The following CLVS2 variants were observed in gnomAD, a reference collection of about 807,000 sequenced individuals.
CLVS2 encodes the protein clavesin-2.
CLVS2 carries 19 observed loss-of-function variants against 29.0 expected under a neutral mutation model. The observed-to-expected ratio is 0.66, with a 90% CI of 0.46 to 0.96. The LOEUF (loss-of-function observed/expected upper bound fraction) is 0.96. Ranked by LOEUF, CLVS2 falls within the 40% of genes least tolerant of loss-of-function variation. The pLI, the probability that CLVS2 is intolerant of heterozygous loss-of-function variation, is 0.00. For missense variants in CLVS2, 294 were observed against 404.1 expected (o/e 0.73, Z 2.34); for synonymous variants, 161 against 151.3 (o/e 1.06, Z -0.47).
chr6:123,018,528 A>G (rs1774873677), intron 3 of CLVS2, among the ~76,000 whole-genome samples: 1 of 151,982 alleles, frequency 6.6e-6, no homozygotes, highest in Admixed American at 6.6e-5. Context: ...TTGTTTTCTT[A>G]TATTTAAAAA....
intron 3 of CLVS2, among the ~76,000 whole-genome samples, chr6:123,033,538 A>C (rs1055612900): frequency 6.6e-6 from 1 of 152,078 alleles, no homozygotes. Flanking sequence ...CCTCAACTTA[A>C]AGCTCAAACC....
intron 2 of CLVS2, 132 bp downstream of exon 2, chr6:122,998,298 G>A: frequency 2.5e-6 from 3 of 1,178,158 alleles, no homozygotes; most frequent in Non-Finnish European, 3.5e-6. Context: ...AACAAACCAG[G>A]AGATGAGTTT....
At chr6:123,027,908 TTATTA>T (rs1040686860) in intron 3 of CLVS2, among the ~76,000 whole-genome samples, 4 of 152,224 alleles carry the variant, frequency 2.6e-5, no homozygotes, top group Non-Finnish European at 5.9e-5. Flanking sequence ...TAAATTGTGT[TTATTA>T]TATTAATGTA....
chr6:123,009,039 T>A (rs1774712254), intron 2 of CLVS2, among the ~76,000 whole-genome samples: 1 of 152,174 alleles, frequency 6.6e-6, no homozygotes, highest in East Asian at 1.9e-4. Context: ...AAACTATATC[T>A]GTGCTTATCA....
chr6:123,049,633 A>T (rs1158587883), intron 4 of CLVS2, among the ~76,000 whole-genome samples: 2 of 152,200 alleles, frequency 1.3e-5, no homozygotes, highest in African/African-American at 4.8e-5. Flanking sequence ...TCGAATGATT[A>T]GTTCCACAGC....
At chr6:123,013,410 A>G (rs1057231648) in intron 3 of CLVS2, among the ~76,000 whole-genome samples, 6 of 152,032 alleles carry the variant, frequency 3.9e-5, no homozygotes, top group African/African-American at 7.2e-5. Context: ...AAATAAGTCA[A>G]TTAGAACTTA....
chr6:123,023,296 A>G (rs1774951030), intron 3 of CLVS2, among the ~76,000 whole-genome samples: 1 of 152,042 alleles, frequency 6.6e-6, no homozygotes, highest in African/African-American at 2.4e-5. Context: ...CTGCAGAAGT[A>G]GGGTTTTCCT....
At chr6:123,025,202 A>T (rs779740706) in intron 3 of CLVS2, among the ~76,000 whole-genome samples, 1 of 152,130 alleles carries the variant, frequency 6.6e-6, no homozygotes, top group Non-Finnish European at 1.5e-5. Flanking sequence ...AATTAAGCTG[A>T]CATCAATATC....
At position 123,068,486 on chromosome 6, in the gene CLVS2, T is replaced by C. The variant is rs1228594040; in HGVS notation, c.*4725T>C. On this transcript the variant is annotated 3_prime_UTR_variant, in exon 6 of 6. Transcript: ENST00000275162. ...CCCAATCCTCAACTACTTTAAAAAA[T>C]TGCAATGAATTTTAATTCATTTACT... is the stretch of plus-strand genomic sequence containing the variant. The C allele has an allele frequency of 2.6e-5, 4 of 151,666 alleles. No homozygotes were observed. Among genetic ancestry groups the C allele is most frequent in the African/African-American group, 9.7e-5 (4 of 41,388 alleles). 9.4% of individuals were successfully genotyped at this position (151,666 alleles called of 1,614,324 possible). A position where few individuals can be genotyped will look rare whatever the true frequency, so the allele number is the denominator to read the frequency against.
rs900684339 is a variant in CLVS2 at position 123,066,428 on chromosome 6, C to T, written c.*2667C>T. ...ACTGTTTGCCCTAATGAATTTTCCT[C>T]TGTACTTCGAGAGCTATTTTAGTTG... On this transcript the variant is annotated 3_prime_UTR_variant, in exon 6 of 6. Transcript: ENST00000275162. 2 of 151,418 alleles carry T rather than the reference C, an allele frequency of 1.3e-5. No homozygotes were observed. Among genetic ancestry groups the T allele is most frequent in the African/African-American group, 4.8e-5 (2 of 41,332 alleles). The allele number at this position is 151,418 out of a possible 1,614,324, so 9.4% of individuals were successfully genotyped here.
Position 123,066,131 on chromosome 6 carries a change from T to C in CLVS2, c.*2370T>C, listed in dbSNP as rs1056855516. ...GTTCATTCTGTGAATAAACTCATTTTCTAGTAATGTTTGTGAACCTTAGTC... is the reference window on the plus strand; with the variant it reads ...GTTCATTCTGTGAATAAACTCATTTCCTAGTAATGTTTGTGAACCTTAGTC... On this transcript the variant is annotated 3_prime_UTR_variant, in exon 6 of 6. Coordinates refer to ENST00000275162, the MANE Select transcript of CLVS2 (RefSeq NM_001010852.4). The C allele has an allele frequency of 6.6e-6, 1 of 151,768 alleles. No individual in the cohort carries two copies. The highest frequency in any genetic ancestry group is 1.5e-5 in the Non-Finnish European group (1 of 67,766). The allele number at this position is 151,768 out of a possible 1,614,324, so 9.4% of individuals were successfully genotyped here.
rs780425308 is a variant in CLVS2 at position 122,998,097 on chromosome 6, G to T, written c.320G>T (p.Gly107Val). 6.2e-7 allele frequency: 1 copy of T among 1,614,088 alleles called. No homozygotes were observed. The highest frequency in any genetic ancestry group is 1.7e-5 in the Admixed American group (1 of 60,024). Reference sequence around the variant, plus strand: ...GCACTGAAGGATGGCTTCCCTGGGGGCCTGGCCAATCTGGACCACTATGGC... The same window carrying T: ...GCACTGAAGGATGGCTTCCCTGGGGTCCTGGCCAATCTGGACCACTATGGC... Reference protein sequence around the residue: ...KQALKDGFPGGLANLDHYGRK... With the variant: ...KQALKDGFPGVLANLDHYGRK... The change falls in exon 2 of 6, where the codon GGC (glycine) becomes GTC (valine). Residue 107 changes from glycine to valine, a missense_variant. Gly to Val is a moderately radical substitution (Grantham distance 109). Transcript: ENST00000275162.
chr6:123,012,650 A>C (rs950382150), intron 3 of CLVS2, among the ~76,000 whole-genome samples: 2 of 152,014 alleles, frequency 1.3e-5, no homozygotes, highest in African/African-American at 4.8e-5. Flanking sequence ...CTACTATCAG[A>C]AGTTCTTTAA....
chr6:123,050,229 G>A (rs1427090426), intron 4 of CLVS2, among the ~76,000 whole-genome samples: 1 of 152,126 alleles, frequency 6.6e-6, no homozygotes, highest in Non-Finnish European at 1.5e-5. Context: ...TGCCTCACAA[G>A]TGCTTTTGCA....
chr6:123,022,019 G>A (rs1341582583), intron 3 of CLVS2, among the ~76,000 whole-genome samples: 1 of 151,988 alleles, frequency 6.6e-6, no homozygotes, highest in Non-Finnish European at 1.5e-5. Flanking sequence ...TGGGATCTAT[G>A]AGGCAAAATC....
At chr6:123,052,728 T>C (rs903309745) in intron 4 of CLVS2, among the ~76,000 whole-genome samples, 3 of 150,916 alleles carry the variant, frequency 2.0e-5, no homozygotes, top group African/African-American at 4.9e-5. Context: ...TCTGAGAAAG[T>C]GGAAGAATAG....
chr6:123,017,715 G>A (rs1214968152), intron 3 of CLVS2, among the ~76,000 whole-genome samples: 1 of 152,042 alleles, frequency 6.6e-6, no homozygotes, highest in Non-Finnish European at 1.5e-5. Flanking sequence ...ATAATATTCA[G>A]TTCAGCAAGC....
rs181157358 is a variant in CLVS2 at position 123,031,472 on chromosome 6, A to G, written c.565-17150A>G. Among the ~76,000 whole-genome samples, 101 of 152,316 alleles carry G rather than the reference A, an allele frequency of 6.6e-4. 2 individuals are homozygous for G. The highest frequency in any genetic ancestry group is 6.5e-3 in the Admixed American group (99 of 15,290). Reference sequence around the variant, plus strand: ...GGGGACTATACTTAATAATAACTGTATCATTTACTTGAAATTTGCTAAGAA... The same window carrying G: ...GGGGACTATACTTAATAATAACTGTGTCATTTACTTGAAATTTGCTAAGAA... On this transcript the variant is annotated intron_variant, in intron 3 of 5. Transcript: ENST00000275162.
chr6:123,027,672 G>T (rs539135672), intron 3 of CLVS2, among the ~76,000 whole-genome samples: 28 of 152,234 alleles, frequency 1.8e-4, no homozygotes, highest in African/African-American at 5.5e-4. Flanking sequence ...GCATAGACTA[G>T]AAGTAAGGGC....
Sources: allele counts gnomAD v4.1 joint callset (sites outside exome capture counted in the v4.1 genomes callset), GRCh38; gene constraint gnomAD v4.1.1; transcripts MANE v1.5; gene names NCBI Gene and HGNC (gene_info 2026-07-23, HGNC 2026-07-21).